YBX3: variants seen among roughly 807,000 people sequenced by gnomAD.
YBX3 encodes Y-box binding protein 3, also known as Y-box-binding protein 3.
A neutral mutation model predicts 42.4 loss-of-function variants in YBX3; 29 were observed. The observed-to-expected ratio is 0.68, with a 90% confidence interval of 0.51 to 0.93. The LOEUF is 0.93. Among genes scored for constraint, YBX3 ranks in the 40% least tolerant of loss-of-function variants. The pLI is 0.00. For synonymous variants in YBX3, 195 were observed against 189.8 expected (o/e 1.03, Z -0.22); for missense variants, 517 against 527.5 (o/e 0.98, Z 0.19).
Position 10,701,335 on chromosome 12 carries a change from G to A in YBX3, c.1072C>T (p.Pro358Ser), listed in dbSNP as rs1183955122. 1 of 781,018 alleles carries A rather than the reference G, an allele frequency of 1.3e-6. No homozygotes were observed. Among genetic ancestry groups the A allele is most frequent in the African/African-American group, 1.7e-5 (1 of 59,246 alleles). 48.4% of individuals were successfully genotyped at this position (781,018 alleles called of 1,614,324 possible). A position where few individuals can be genotyped will look rare whatever the true frequency, so the allele number is the denominator to read the frequency against. The change falls in exon 9 of 10, where the codon CCA becomes TCA. Residue 358 changes from proline (P) to serine (S), a missense_variant. Around this residue, in one of 3 missense-constraint regions of YBX3, gnomAD observed 420 missense variants for 408.5 expected, o/e 1.03. Transcript: ENST00000228251. ...GTGGGTGGAGCAGGGTTCTCAGTTGGTGCTTCACCTGCCTTGGCCTAAAAT... is the reference window on the plus strand; with the variant it reads ...GTGGGTGGAGCAGGGTTCTCAGTTGATGCTTCACCTGCCTTGGCCTAAAAT... ...DGKEAKAGEA[P>S]TENPAPPTQQ... is the part of the protein sequence containing the mutation.
At chr12:10,715,638 T>C (rs773142760) in intron 4 of YBX3, 56 bp downstream of exon 4, 8 of 1,433,038 alleles carry the variant, frequency 5.6e-6, no homozygotes, top group South Asian at 4.6e-5. Context: ...AGATAATTTA[T>C]TGTGCAACAG....
At chr12:10,710,630 T>G in intron 5 of YBX3, 1 of 1,198,470 alleles carries the variant, frequency 8.3e-7, no homozygotes, top group South Asian at 1.3e-5. Flanking sequence ...ACTATTGCCA[T>G]AATATTACTA....
rs767436305 is a variant in YBX3, at chr12:10,713,236, C to T, written c.548G>A (p.Gly183Glu). Residue 183 changes from glycine (G) to glutamate (E), a missense_variant, in exon 5 of 10, where the codon GGA becomes GAA. Physicochemically the swap from Gly to Glu is moderately conservative, Grantham distance 98. Around this residue, in one of 3 missense-constraint regions of YBX3, gnomAD observed 420 missense variants for 408.5 expected, o/e 1.03. Transcript: ENST00000228251. ...DRRRYRRGYY[G>E]RRRGPPRNYA... is the part of the protein sequence containing the mutation. ...ATTCCGGGGAGGGCCACGGCGCCTTCCATAGTAGCCACGTCTGTAACGGCG... is the reference window on the plus strand; with the variant it reads ...ATTCCGGGGAGGGCCACGGCGCCTTTCATAGTAGCCACGTCTGTAACGGCG... The T allele has an allele frequency of 3.5e-5, 57 of 1,613,760 alleles. No homozygotes were observed. Among genetic ancestry groups the T allele is most frequent in the Non-Finnish European group, 4.7e-5 (56 of 1,179,952 alleles).
intron 6 of YBX3, among the ~76,000 whole-genome samples, chr12:10,709,630 G>A (rs1003238098): frequency 2.0e-5 from 3 of 152,168 alleles, no homozygotes; most frequent in African/African-American, 7.2e-5. Flanking sequence ...CATTCCACCT[G>A]TCTTGTTACC....
At position 10,719,081 on chromosome 12, in the gene YBX3, G is replaced by A. The variant is rs981102207; in HGVS notation, c.325C>T (p.Arg109Ter). The A allele has an allele frequency of 6.2e-7, 1 of 1,612,668 alleles. No individual in the cohort carries two copies. The highest frequency in any genetic ancestry group is 8.5e-7 in the Non-Finnish European group (1 of 1,179,316). The change falls in exon 2 of 10, where the codon CGA becomes TGA. Residue 109 changes from arginine (R) to a stop codon, truncating the protein, a stop_gained and splice_region_variant. Transcript: ENST00000228251. LOFTEE classifies it high-confidence loss of function. ...NVRNGYGFIN[R>*]NDTKEDVFVH... The stretch of plus-strand genomic sequence containing the variant: ...ATGCAAATATACACACACACATACC[G>A]ATTTATAAATCCATATCCATTTCTG...
chr12:10,699,345 T>C lies in YBX3; in HGVS notation c.*344A>G, dbSNP rs547038399. The C allele has an allele frequency of 6.5e-5, 10 of 152,674 alleles. No individual in the cohort carries two copies. The South Asian group carries it at 2.1e-3, about 32-fold the overall frequency. The allele number at this position is 152,674 out of a possible 1,614,324, so 9.5% of individuals were successfully genotyped here. A position where few individuals can be genotyped will look rare whatever the true frequency, so the allele number is the denominator to read the frequency against. ...GGGTTCTCCCCATGTGGTATTAATA[T>C]TTCTTGTTTCAATATATATATTACC... On this transcript the variant is annotated 3_prime_UTR_variant, in exon 10 of 10. Transcript: ENST00000228251.
chr12:10,713,165 C>G, intron 5 of YBX3, 46 bp downstream of exon 5: 2 of 1,582,108 alleles, frequency 1.3e-6, no homozygotes, highest in Non-Finnish European at 1.7e-6. Context: ...TAATTCCATG[C>G]ATGAACAATT....
chr12:10,699,937 A>G (rs529517367), intron 9 of YBX3, among the ~76,000 whole-genome samples: 55 of 152,288 alleles, frequency 3.6e-4, no homozygotes, highest in Middle Eastern at 3.4e-3. Context: ...AACAATACTC[A>G]AAATCATTTT....
At chr12:10,715,849 T>A in intron 3 of YBX3, 66 bp from the exon 4 acceptor site, 2 of 1,329,072 alleles carry the variant, frequency 1.5e-6, no homozygotes, top group Non-Finnish European at 2.2e-6. Flanking sequence ...TTCACTGCTT[T>A]CAAGTACACC....
intron 5 of YBX3, chr12:10,710,748 T>C (rs1421052464): frequency 2.2e-6 from 1 of 450,982 alleles, no homozygotes; most frequent in South Asian, 1.6e-5. Flanking sequence ...GAAACAGATG[T>C]GAGAATCCAG....
intron 7 of YBX3, chr12:10,703,674 T>A (rs1948105759): frequency 3.0e-6 from 1 of 335,284 alleles, no homozygotes; most frequent in Admixed American, 3.8e-5. Context: ...ATTTAACCCC[T>A]CTACTGGACT....
intron 1 of YBX3, among the ~76,000 whole-genome samples, chr12:10,721,483 T>C (rs1948324264): frequency 6.6e-6 from 1 of 152,186 alleles, no homozygotes; most frequent in South Asian, 2.1e-4. Context: ...GCAGAAAGTG[T>C]TCCAAGAAAT....
At chr12:10,718,399 T>C (rs1451150165) in intron 2 of YBX3, 5 of 353,150 alleles carry the variant, frequency 1.4e-5, no homozygotes, top group South Asian at 5.3e-5. Context: ...CTGAATCACA[T>C]GGTGTGTAAT....
chr12:10,703,826 A>G, intron 7 of YBX3: 1 of 493,088 alleles, frequency 2.0e-6, no homozygotes, highest in Admixed American at 3.6e-5. Flanking sequence ...ACATCTTATT[A>G]TAATTCCAGA....
At position 10,723,133 on chromosome 12, in the gene YBX3, G is replaced by T. The variant is rs1591587193; in HGVS notation, c.-22C>A. Reference sequence around the variant, plus strand: ...TCATGCCTCCTCCTCCTCTGCTCTCGCTCAGGCGCCTCGGTGGCGGTTGGT... The same window carrying T: ...TCATGCCTCCTCCTCCTCTGCTCTCTCTCAGGCGCCTCGGTGGCGGTTGGT... On this transcript the variant is annotated 5_prime_UTR_variant, in exon 1 of 10. Coordinates refer to ENST00000228251, the MANE Select transcript of YBX3 (RefSeq NM_003651.5). 2 of 1,196,510 alleles carry T rather than the reference G, an allele frequency of 1.7e-6. No individual in the cohort carries two copies. The highest frequency in any genetic ancestry group is 4.1e-5 in the South Asian group (1 of 24,114). 74.1% of individuals were successfully genotyped at this position (1,196,510 alleles called of 1,614,324 possible).
chr12:10,718,543 A>G (rs547068380), intron 2 of YBX3: 1 of 179,328 alleles, frequency 5.6e-6, no homozygotes, highest in African/African-American at 2.4e-5. Context: ...AGGAGACAAG[A>G]AATTGGAGGA....
chr12:10,714,259 C>T (rs1948233873), intron 4 of YBX3, among the ~76,000 whole-genome samples: 5 of 152,258 alleles, frequency 3.3e-5, no homozygotes, highest in Admixed American at 3.3e-4. Flanking sequence ...AGGAACATGA[C>T]CTATGGAATG....
intron 6 of YBX3, among the ~76,000 whole-genome samples, chr12:10,705,450 C>T (rs1948126857): frequency 6.6e-6 from 1 of 152,182 alleles, no homozygotes; most frequent in Non-Finnish European, 1.5e-5. Context: ...AAATATCCCT[C>T]AACTTGGGTT....
At chr12:10,722,675 G>A (rs960972355) in intron 1 of YBX3, among the ~76,000 whole-genome samples, 175 bp downstream of exon 1, 1 of 152,180 alleles carries the variant, frequency 6.6e-6, no homozygotes, top group Non-Finnish European at 1.5e-5. Context: ...CGGCAAGGGA[G>A]GCGGCCAGCG....
Sources: gnomAD v4.1 joint callset for allele counts (sites outside exome capture counted in the v4.1 genomes callset) on GRCh38, gnomAD v4.1.1 for gene constraint, gnomAD v4.1.1 regional missense constraint, MANE v1.5 for transcripts, NCBI Gene and HGNC (gene_info 2026-07-23, HGNC 2026-07-21) for gene names.